The following PKN2 variants were observed in gnomAD, a reference collection of about 807,000 sequenced individuals.
The protein encoded by PKN2 is serine/threonine-protein kinase N2.
Under a neutral mutation model 119.1 loss-of-function variants are expected in PKN2, and 38 were observed. That is an observed-to-expected ratio of 0.32 (90% CI 0.25 to 0.42). The LOEUF (loss-of-function observed/expected upper bound fraction) is 0.42, where lower values mean the gene tolerates loss of function less well. Among genes scored for constraint, PKN2 ranks in the 10% least tolerant of loss-of-function variants. The probability of loss-of-function intolerance (pLI) is 1.00; values close to 1 mark genes in which losing one functional copy is unlikely to be tolerated. For synonymous variants in PKN2, 390 were observed against 384.9 expected (o/e 1.01, Z -0.15); for missense variants, 850 against 1,165.1 (o/e 0.73, Z 3.94).
At chr1:88,736,443 A>T (rs1018435147) in intron 1 of PKN2, among the ~76,000 whole-genome samples, 15 of 151,950 alleles carry the variant, frequency 9.9e-5, no homozygotes, top group Non-Finnish European at 4.4e-5. Context: ...GGCTCTCTGC[A>T]GCCTCTGCCT....
intron 1 of PKN2, among the ~76,000 whole-genome samples, chr1:88,706,819 A>C (rs1667023648): frequency 6.6e-6 from 1 of 151,970 alleles, no homozygotes; most frequent in African/African-American, 2.4e-5. Flanking sequence ...TTTCTTTTTG[A>C]CCCATAGGTT....
intron 15 of PKN2, among the ~76,000 whole-genome samples, chr1:88,809,856 C>A (rs1394229146): frequency 6.6e-6 from 1 of 152,124 alleles, no homozygotes; most frequent in African/African-American, 2.4e-5. Context: ...TTCAAGCGAT[C>A]CTCCTTGGCC....
chr1:88,699,594 A>T (rs984107794), intron 1 of PKN2, among the ~76,000 whole-genome samples: 1 of 152,024 alleles, frequency 6.6e-6, no homozygotes, highest in African/African-American at 2.4e-5. Flanking sequence ...ACCCTCCAGT[A>T]GGCCCCATTG....
intron 2 of PKN2, among the ~76,000 whole-genome samples, chr1:88,748,922 C>T (rs373280039): frequency 6.6e-6 from 1 of 152,062 alleles, no homozygotes; most frequent in Admixed American, 6.6e-5. Flanking sequence ...AGAGCAAGAC[C>T]TGGTCTTTAA....
intron 18 of PKN2, among the ~76,000 whole-genome samples, chr1:88,825,889 T>C (rs1310010878): frequency 6.6e-6 from 1 of 152,206 alleles, no homozygotes; most frequent in African/African-American, 2.4e-5. Flanking sequence ...CTCTGTTTAG[T>C]ACTTTTTGCT....
chr1:88,773,696 A>G (rs12023586), intron 6 of PKN2, among the ~76,000 whole-genome samples: 2 of 152,124 alleles, frequency 1.3e-5, no homozygotes, highest in East Asian at 3.9e-4. Context: ...GGAGAATTGC[A>G]TGAGCCCAGG....
intron 1 of PKN2, among the ~76,000 whole-genome samples, chr1:88,701,687 T>C (rs906156146): frequency 1.4e-4 from 22 of 152,320 alleles, no homozygotes; most frequent in Admixed American, 6.5e-4. Context: ...TTTGATTTAT[T>C]TTGGGATTAC....
chr1:88,702,024 TC>T (rs1223657248), intron 1 of PKN2, among the ~76,000 whole-genome samples: 3 of 152,142 alleles, frequency 2.0e-5, no homozygotes, highest in Non-Finnish European at 1.5e-5. Context: ...AGTGGCGCAA[TC>T]CGGGCTCACT....
At chr1:88,722,807 GA>G (rs1236051417) in intron 1 of PKN2, among the ~76,000 whole-genome samples, 6 of 151,246 alleles carry the variant, frequency 4.0e-5, no homozygotes, top group Non-Finnish European at 5.9e-5. Context: ...AAAAAGAAAC[GA>G]AAAAAATTAT....
intron 8 of PKN2, among the ~76,000 whole-genome samples, chr1:88,795,971 C>G (rs1671047491): frequency 6.6e-6 from 1 of 152,198 alleles, no homozygotes; most frequent in Non-Finnish European, 1.5e-5. Flanking sequence ...AGTTAAATAA[C>G]TTGCTCACGG....
rs539376474 is a variant in PKN2, at chr1:88,738,594, A to C, written c.49-2394A>C. ...GGAGTTGAGGTAGGCAGTAAACGAA[A>C]GTGTTAGGTATTTCTTCTGGCCTAT... On this transcript the variant is annotated intron_variant, in intron 1 of 21. Transcript: ENST00000370521. Among the ~76,000 whole-genome samples the C allele has an allele frequency of 4.6e-5, 7 of 152,350 alleles. No individual in the cohort carries two copies. The East Asian group carries it at 1.3e-3, about 29-fold the overall frequency.
intron 2 of PKN2, among the ~76,000 whole-genome samples, chr1:88,742,039 A>G (rs943183284): frequency 2.0e-5 from 3 of 152,096 alleles, no homozygotes; most frequent in Non-Finnish European, 2.9e-5. Context: ...TATTTGTGCC[A>G]ATATTCACCC....
intron 8 of PKN2, among the ~76,000 whole-genome samples, chr1:88,790,283 T>C (rs1004889736): frequency 6.6e-6 from 1 of 152,222 alleles, no homozygotes; most frequent in African/African-American, 2.4e-5. Flanking sequence ...TTCATTTTCA[T>C]GCTGAGAAAA....
At chr1:88,819,942 G>C (rs979626819) in intron 16 of PKN2, among the ~76,000 whole-genome samples, 6 of 151,692 alleles carry the variant, frequency 4.0e-5, no homozygotes, top group Non-Finnish European at 7.4e-5. Flanking sequence ...TCATAAGTGG[G>C]AGTTGAACAA....
intron 1 of PKN2, among the ~76,000 whole-genome samples, chr1:88,697,181 T>C (rs1426770344): frequency 1.3e-5 from 2 of 152,190 alleles, no homozygotes; most frequent in African/African-American, 2.4e-5. Flanking sequence ...TTGAATAATA[T>C]ATCACTTAAT....
chr1:88,788,826 T>G (rs115180557), intron 8 of PKN2, among the ~76,000 whole-genome samples: 1,874 of 152,312 alleles, frequency 0.012, 17 homozygotes, highest in Non-Finnish European at 0.02. Context: ...TTATATTTTC[T>G]TGTAGCTATG....
chr1:88,709,695 T>C (rs1035298106), intron 1 of PKN2, among the ~76,000 whole-genome samples: 9 of 152,196 alleles, frequency 5.9e-5, no homozygotes, highest in Admixed American at 5.9e-4. Context: ...GATGTAAACA[T>C]ATCACTTGAA....
At chr1:88,791,782 T>TA (rs1321544782) in intron 8 of PKN2, among the ~76,000 whole-genome samples, 2 of 152,076 alleles carry the variant, frequency 1.3e-5, no homozygotes, top group Non-Finnish European at 2.9e-5. Flanking sequence ...AGTATTGAGG[T>TA]AAAGACCTAT....
rs753429509 is a variant in PKN2 at position 88,834,735 on chromosome 1, C to T, written c.*1287C>T. 1.3e-5 allele frequency: 2 copies of T among 152,082 alleles called. No homozygotes were observed. Among genetic ancestry groups the T allele is most frequent in the African/African-American group, 2.4e-5 (1 of 41,368 alleles). 9.4% of individuals were successfully genotyped at this position (152,082 alleles called of 1,614,324 possible). On this transcript the variant is annotated 3_prime_UTR_variant, in exon 22 of 22. Transcript: ENST00000370521. ...ATTTTATACAACTCTTCAAAGGATC[C>T]GTCTGTGGCTTTTTATACTCTTTTA...
Sources: gnomAD v4.1 joint callset for allele counts (sites outside exome capture counted in the v4.1 genomes callset) on GRCh38, gnomAD v4.1.1 for gene constraint, MANE v1.5 for transcripts, NCBI Gene and HGNC (gene_info 2026-07-23, HGNC 2026-07-21) for gene names.